NRGN: variants seen among roughly 807,000 people sequenced by gnomAD.
NRGN encodes neurogranin.
For synonymous variants in NRGN, 47 were observed against 52.8 expected (o/e 0.89, Z 0.47); for missense variants, 82 against 123.0 (o/e 0.67, Z 1.58).
intron 1 of NRGN, among the ~76,000 whole-genome samples, chr11:124,742,985 C>T (rs1943978158): frequency 1.3e-5 from 2 of 152,190 alleles, no homozygotes; most frequent in Admixed American, 6.5e-5. Context: ...CCCAGAAGTC[C>T]CTACTTCCTA....
At chr11:124,741,295 C>T (rs1454560569) in intron 1 of NRGN, among the ~76,000 whole-genome samples, 1 of 152,136 alleles carries the variant, frequency 6.6e-6, no homozygotes, top group Non-Finnish European at 1.5e-5. Context: ...TAGATTTTTC[C>T]AAGGAAGCAT....
rs941400722 is a variant in NRGN, at chr11:124,746,598, T to C, written c.*218T>C. 3.7e-4 allele frequency: 57 copies of C among 152,504 alleles called. No individual in the cohort carries two copies. The highest frequency in any genetic ancestry group is 1.2e-3 in the African/African-American group (51 of 41,362). The allele number at this position is 152,504 out of a possible 1,614,324, so 9.4% of individuals were successfully genotyped here. The stretch of plus-strand genomic sequence containing the variant: ...TAGTTAGTTCTGCAGTCTAGTATGG[T>C]CCCCATTTGCCCTTCCACTCCACCC... On this transcript the variant is annotated 3_prime_UTR_variant, in exon 4 of 4. Transcript: ENST00000284292.
In NRGN at chr11:124,746,976, T is replaced by G. The variant is rs1007551785; in HGVS notation, c.*596T>G. The G allele has an allele frequency of 6.5e-6, 1 of 152,928 alleles. No homozygotes were observed. Among genetic ancestry groups the G allele is most frequent in the African/African-American group, 2.4e-5 (1 of 41,436 alleles). 9.5% of individuals were successfully genotyped at this position (152,928 alleles called of 1,614,324 possible). A position where few individuals can be genotyped will look rare whatever the true frequency, so the allele number is the denominator to read the frequency against. On this transcript the variant is annotated 3_prime_UTR_variant, in exon 4 of 4. Coordinates refer to ENST00000284292, the MANE Select transcript of NRGN (RefSeq NM_006176.3). Reference sequence around the variant, plus strand: ...CACCTGCCTGTCACGTTCCCTCCCCTTTCCCCAGCGCACTGTTGAGGGCAG... The same window carrying G: ...CACCTGCCTGTCACGTTCCCTCCCCGTTCCCCAGCGCACTGTTGAGGGCAG...
At position 124,740,145 on chromosome 11, in the gene NRGN, C is replaced by T; in HGVS notation, c.15+46C>T. ...GAGGGGCACTTGGCGGGGTCCGCTG[C>T]GAGAGGCGCCTGAGAAAGCCCTGGA... is the stretch of plus-strand genomic sequence containing the variant. On this transcript the variant is annotated intron_variant, in intron 1 of 3. Transcript: ENST00000284292. This position sits in a 1 kb window ranked among gnomAD's most constrained non-coding sequence, Gnocchi z 7.5. The T allele has an allele frequency of 7.8e-7, 1 of 1,288,468 alleles. No individual in the cohort carries two copies. The highest frequency in any genetic ancestry group is 1.0e-6 in the Non-Finnish European group (1 of 1,003,070). The allele number at this position is 1,288,468 out of a possible 1,614,324, so 79.8% of individuals were successfully genotyped here. A position where few individuals can be genotyped will look rare whatever the true frequency, so the allele number is the denominator to read the frequency against.
At position 124,745,829 on chromosome 11, in the gene NRGN, G is replaced by T; in HGVS notation, c.*5+100G>T. 1 of 580,352 alleles carries T rather than the reference G, an allele frequency of 1.7e-6. No homozygotes were observed. Among genetic ancestry groups the T allele is most frequent in the Admixed American group, 3.9e-5 (1 of 25,360 alleles). 36.0% of individuals were successfully genotyped at this position (580,352 alleles called of 1,614,324 possible). A position where few individuals can be genotyped will look rare whatever the true frequency, so the allele number is the denominator to read the frequency against. ...GCGGGTTGGAGGTGCAGGGGGCGTG[G>T]AGGGAGCTAAGGGTTGGGGGATAGA... On this transcript the variant is annotated intron_variant, in intron 2 of 3. Coordinates refer to ENST00000284292, the MANE Select transcript of NRGN (RefSeq NM_006176.3). The surrounding 1 kb of genome is among the most constrained non-coding windows in gnomAD (Gnocchi z 6.4).
chr11:124,747,013 C>T lies in NRGN; in HGVS notation c.*633C>T, dbSNP rs1406865391. 1 of 153,144 alleles carries T rather than the reference C, an allele frequency of 6.5e-6. No individual in the cohort carries two copies. The highest frequency in any genetic ancestry group is 1.5e-5 in the Non-Finnish European group (1 of 68,438). The allele number at this position is 153,144 out of a possible 1,614,324, so 9.5% of individuals were successfully genotyped here. ...ACTGTTGAGGGCAGCCTCTCCAGCT[C>T]TCTTGTTTATGCAAACGCCGAGCGC... On this transcript the variant is annotated 3_prime_UTR_variant, in exon 4 of 4. Transcript: ENST00000284292.
Position 124,746,877 on chromosome 11 carries a change from G to A in NRGN, c.*497G>A, listed in dbSNP as rs2134448112. The stretch of plus-strand genomic sequence containing the variant: ...CTAGCCCCAAGACTTTGGATCCGGG[G>A]CGAGATGAAGGGAAGAGGGTTGTTT... On this transcript the variant is annotated 3_prime_UTR_variant, in exon 4 of 4. Coordinates refer to ENST00000284292, the MANE Select transcript of NRGN (RefSeq NM_006176.3). 1 of 152,824 alleles carries A rather than the reference G, an allele frequency of 6.5e-6. No homozygotes were observed. Among genetic ancestry groups the A allele is most frequent in the Admixed American group, 6.5e-5 (1 of 15,310 alleles). The allele number at this position is 152,824 out of a possible 1,614,324, so 9.5% of individuals were successfully genotyped here.
rs906591788 is a variant in NRGN, at chr11:124,745,544, C to A, written c.57C>A (p.Ile19=). 9 of 1,605,066 alleles carry A rather than the reference C, an allele frequency of 5.6e-6. No individual in the cohort carries two copies. Among genetic ancestry groups the A allele is most frequent in the East Asian group, 2.3e-5 (1 of 44,092 alleles). Residue 19 remains isoleucine (I), a synonymous_variant, in exon 2 of 4, where the codon ATC becomes ATA. Coordinates refer to ENST00000284292, the MANE Select transcript of NRGN (RefSeq NM_006176.3). This position sits in a 1 kb window ranked among gnomAD's most constrained non-coding sequence, Gnocchi z 6.4. ...CSKPDDDILD[I]PLDDPGANAA... ...AGCCGGACGACGACATTCTAGACAT[C>A]CCGCTGGACGATCCCGGCGCCAACG... is the stretch of plus-strand genomic sequence containing the variant.
chr11:124,741,540 A>G (rs1310165355), intron 1 of NRGN, among the ~76,000 whole-genome samples: 3 of 151,968 alleles, frequency 2.0e-5, no homozygotes, highest in African/African-American at 4.8e-5. Context: ...TTGTTATTCT[A>G]CAGGAAGCAA....
Position 124,745,487 on chromosome 11 carries a change from C to G in NRGN, c.16-16C>G. On this transcript the variant is annotated splice_polypyrimidine_tract_variant and intron_variant, in intron 1 of 3. Transcript: ENST00000284292. The surrounding 1 kb of genome is among the most constrained non-coding windows in gnomAD (Gnocchi z 6.4). ...GACCCAGTGACCCCACAAGAACCCC[C>G]CTGCTTCGCCCCCAGGAGAACGCCT... 6.4e-7 allele frequency: 1 copy of G among 1,561,606 alleles called. No homozygotes were observed. The highest frequency in any genetic ancestry group is 2.4e-5 in the East Asian group (1 of 41,390).
At chr11:124,741,659 A>T (rs1057175707) in intron 1 of NRGN, among the ~76,000 whole-genome samples, 2 of 151,696 alleles carry the variant, frequency 1.3e-5, no homozygotes, top group Non-Finnish European at 2.9e-5. Context: ...AGATAAATGG[A>T]TGGTGGGTTC....
Position 124,740,903 on chromosome 11 carries a change from CTTAT to C in NRGN, c.15+811_15+814del, listed in dbSNP as rs1269090211. Among the ~76,000 whole-genome samples, 1 of 152,230 alleles carries C rather than the reference CTTAT, an allele frequency of 6.6e-6. No individual in the cohort carries two copies. Among genetic ancestry groups the C allele is most frequent in the Non-Finnish European group, 1.5e-5 (1 of 68,044 alleles). ...TACGTATATGAAATTTATTTGTTTG[CTTAT>C]TTATTTTTTGCCTCTGCACTTGGAG... On this transcript the variant is annotated intron_variant, in intron 1 of 3. Transcript: ENST00000284292. The surrounding 1 kb of genome is among the most constrained non-coding windows in gnomAD (Gnocchi z 7.5).
intron 1 of NRGN, among the ~76,000 whole-genome samples, chr11:124,742,484 A>G (rs1338517091): frequency 6.6e-6 from 1 of 152,044 alleles, no homozygotes; most frequent in Non-Finnish European, 1.5e-5. Flanking sequence ...GCAGTTGCTG[A>G]TTTACATAGC....
intron 1 of NRGN, among the ~76,000 whole-genome samples, chr11:124,742,116 G>A (rs537452726): frequency 1.3e-5 from 2 of 152,234 alleles, no homozygotes; most frequent in Non-Finnish European, 2.9e-5. Context: ...ATCAGACTGT[G>A]CAGGAGGGCA....
In NRGN at chr11:124,740,752, C is replaced by G. The variant is rs1943960196; in HGVS notation, c.15+653C>G. Among the ~76,000 whole-genome samples, 1 of 152,244 alleles carries G rather than the reference C, an allele frequency of 6.6e-6. No homozygotes were observed. Among genetic ancestry groups the G allele is most frequent in the Admixed American group, 6.5e-5 (1 of 15,294 alleles). On this transcript the variant is annotated intron_variant, in intron 1 of 3. Coordinates refer to ENST00000284292, the MANE Select transcript of NRGN (RefSeq NM_006176.3). The surrounding 1 kb of genome is among the most constrained non-coding windows in gnomAD (Gnocchi z 7.5). Reference sequence around the variant, plus strand: ...AAAGGAAGTGTCTGCAATTTGTCAGCGCCCACGCGGAAACCTGGGTACTGC... The same window carrying G: ...AAAGGAAGTGTCTGCAATTTGTCAGGGCCCACGCGGAAACCTGGGTACTGC...
Position 124,745,372 on chromosome 11 carries a change from GCTCGACACCCCTCT to G in NRGN, c.16-128_16-115del. On this transcript the variant is annotated intron_variant, in intron 1 of 3. Transcript: ENST00000284292. This position sits in a 1 kb window ranked among gnomAD's most constrained non-coding sequence, Gnocchi z 6.4. ...TGTCCCTGCCATAGCCCTGCTCCAG[GCTCGACACCCCTCT>G]CTGTACCTCCCACCCCCGCGTCGCC... 1.8e-6 allele frequency: 1 copy of G among 564,792 alleles called. No homozygotes were observed. The highest frequency in any genetic ancestry group is 3.0e-6 in the Non-Finnish European group (1 of 338,202). The allele number at this position is 564,792 out of a possible 1,614,324, so 35.0% of individuals were successfully genotyped here.
chr11:124,742,995 A>G (rs1459705555), intron 1 of NRGN, among the ~76,000 whole-genome samples: 3 of 152,122 alleles, frequency 2.0e-5, no homozygotes, highest in Non-Finnish European at 4.4e-5. Context: ...CCTACTTCCT[A>G]TGGAACTGTC....
chr11:124,746,502 A>G lies in NRGN; in HGVS notation c.*122A>G, dbSNP rs1944012789. The G allele has an allele frequency of 6.6e-6, 1 of 152,634 alleles. No individual in the cohort carries two copies. Among genetic ancestry groups the G allele is most frequent in the African/African-American group, 2.4e-5 (1 of 41,384 alleles). 9.5% of individuals were successfully genotyped at this position (152,634 alleles called of 1,614,324 possible). A position where few individuals can be genotyped will look rare whatever the true frequency, so the allele number is the denominator to read the frequency against. Reference sequence around the variant, plus strand: ...TGCCCAGCAACCTGCCAGCTACAGGAGCCCCCTGCGTCCCAGAGACTCCCT... The same window carrying G: ...TGCCCAGCAACCTGCCAGCTACAGGGGCCCCCTGCGTCCCAGAGACTCCCT... On this transcript the variant is annotated 3_prime_UTR_variant, in exon 4 of 4. Coordinates refer to ENST00000284292, the MANE Select transcript of NRGN (RefSeq NM_006176.3).
chr11:124,740,946 A>G lies in NRGN; in HGVS notation c.15+847A>G, dbSNP rs980164606. On this transcript the variant is annotated intron_variant, in intron 1 of 3. Transcript: ENST00000284292. This position sits in a 1 kb window ranked among gnomAD's most constrained non-coding sequence, Gnocchi z 7.5. ...CTGCACTTGGAGAAAGACTATTCCAAAGTCCTTGTATTTTCAGTCATTCAG... is the reference window on the plus strand; with the variant it reads ...CTGCACTTGGAGAAAGACTATTCCAGAGTCCTTGTATTTTCAGTCATTCAG... Among the ~76,000 whole-genome samples, 6 of 152,214 alleles carry G rather than the reference A, an allele frequency of 3.9e-5. No homozygotes were observed. The highest frequency in any genetic ancestry group is 1.4e-4 in the African/African-American group (6 of 41,458).
Sources: allele counts gnomAD v4.1 joint callset (sites outside exome capture counted in the v4.1 genomes callset), GRCh38; gene constraint gnomAD v4.1.1; non-coding constraint Gnocchi (gnomAD v3.1); transcripts MANE v1.5; gene names NCBI Gene and HGNC (gene_info 2026-07-23, HGNC 2026-07-21).